Variants in ZNF106 observed in about 807,000 individuals in gnomAD.
ZNF106 encodes the protein zinc finger protein 106, also known as SH3-domain binding protein 3.
In ZNF106, 67 loss-of-function variants were observed where a neutral mutation model predicts 195.1. The observed-to-expected ratio is 0.34, with a 90% CI of 0.28 to 0.42. The LOEUF (loss-of-function observed/expected upper bound fraction) is 0.42, where lower values mean the gene tolerates loss of function less well. Ranked by LOEUF, ZNF106 falls within the 10% of genes least tolerant of loss-of-function variation. The pLI is 1.00. For missense variants in ZNF106, 2,118 were observed against 2,304.5 expected (o/e 0.92, Z 1.66); for synonymous variants, 784 against 818.6 (o/e 0.96, Z 0.72).
chr15:42,450,064 G>A lies in ZNF106; in HGVS notation c.2208C>T (p.Gly736=). The A allele has an allele frequency of 6.2e-7, 1 of 1,614,200 alleles. No individual in the cohort carries two copies. Among genetic ancestry groups the A allele is most frequent in the South Asian group, 1.1e-5 (1 of 91,082 alleles). The part of the protein sequence containing the change: ...LQKSDISQPS[G]PLLPELSKLG... ...GCTTACTTAGTTCAGGCAGGAGAGG[G>A]CCCGAGGGCTGACTGATGTCACTTT... The change falls in exon 5 of 22, where the codon GGC becomes GGT. Residue 736 remains glycine, a synonymous_variant. Transcript: ENST00000564754.
chr15:42,471,386 G>A (rs774026259), intron 2 of ZNF106, among the ~76,000 whole-genome samples: 1 of 152,072 alleles, frequency 6.6e-6, no homozygotes, highest in Non-Finnish European at 1.5e-5. Context: ...AAATGATAAA[G>A]GCAGGTAAAG....
intron 14 of ZNF106, 101 bp from the exon 15 acceptor site, chr15:42,428,235 G>T: frequency 2.3e-6 from 2 of 880,940 alleles, no homozygotes; most frequent in Admixed American, 2.3e-5. Flanking sequence ...CTCTTATGCG[G>T]AAGAAAGTGT....
At chr15:42,457,341 T>C in intron 3 of ZNF106, 183 bp from the exon 4 acceptor site, 2 of 1,450,772 alleles carry the variant, frequency 1.4e-6, no homozygotes, top group Non-Finnish European at 1.8e-6. Flanking sequence ...ACTTTTGAAA[T>C]GATTTTAAGA....
At chr15:42,473,049 G>C (rs1468521205) in intron 1 of ZNF106, among the ~76,000 whole-genome samples, 1 of 151,456 alleles carries the variant, frequency 6.6e-6, no homozygotes, top group Non-Finnish European at 1.5e-5. Context: ...ACATATACAG[G>C]TTGAAAATTC....
In ZNF106 at chr15:42,424,871, G is replaced by T. The variant is rs754351939; in HGVS notation, c.5153C>A (p.Thr1718Asn). Reference protein sequence around the residue: ...RDARNGLLLRTLEGHSKTILC... With the variant: ...RDARNGLLLRNLEGHSKTILC... ...AATGGTTTTGCTATGGCCCTCCAGA[G>T]TTCTGAGGAGCAGTCCATTCCGGGC... Residue 1718 changes from threonine to asparagine, a missense_variant, in exon 16 of 22, where the codon ACT becomes AAT. Physicochemically the swap from Thr to Asn is moderately conservative, Grantham distance 65. Transcript: ENST00000564754. 9.9e-6 allele frequency: 16 copies of T among 1,614,014 alleles called. No individual in the cohort carries two copies. The highest frequency in any genetic ancestry group is 1.4e-5 in the Non-Finnish European group (16 of 1,180,036).
At chr15:42,480,351 T>C (rs751203313) in intron 1 of ZNF106, among the ~76,000 whole-genome samples, 4 of 152,208 alleles carry the variant, frequency 2.6e-5, no homozygotes, top group Non-Finnish European at 5.9e-5. Context: ...CTATTTTATC[T>C]GATATAAATA....
chr15:42,446,729 C>T (rs976121930), intron 6 of ZNF106, 71 bp from the exon 7 acceptor site: 1 of 1,306,272 alleles, frequency 7.7e-7, no homozygotes, highest in Non-Finnish European at 1.1e-6. Context: ...AAAAAGGAAT[C>T]AATTCTAAGA....
chr15:42,443,490 TA>T (rs2055633172), intron 9 of ZNF106, among the ~76,000 whole-genome samples: 2 of 152,016 alleles, frequency 1.3e-5, no homozygotes, highest in Admixed American at 1.3e-4. Flanking sequence ...TTAATTTTTA[TA>T]ACTTTTTATA....
intron 20 of ZNF106, among the ~76,000 whole-genome samples, chr15:42,418,558 T>TTTTTTC (rs1256860572): frequency 1.3e-4 from 18 of 141,260 alleles, no homozygotes; most frequent in Admixed American, 9.1e-4. Flanking sequence ...TTTTTTTTTT[T>TTTTTTC]AGTAAAGACA....
intron 9 of ZNF106, among the ~76,000 whole-genome samples, chr15:42,443,905 G>C (rs1203125608): frequency 6.6e-6 from 1 of 151,840 alleles, no homozygotes; most frequent in African/African-American, 2.4e-5. Flanking sequence ...TCAGGAGTTC[G>C]AGACCAGTCT....
intron 20 of ZNF106, among the ~76,000 whole-genome samples, chr15:42,419,700 C>T (rs1358384240): frequency 6.6e-6 from 1 of 152,164 alleles, no homozygotes; most frequent in Non-Finnish European, 1.5e-5. Flanking sequence ...GCCTGTCATC[C>T]CAGCACTTTG....
chr15:42,440,225 T>G (rs1265220191), intron 10 of ZNF106, among the ~76,000 whole-genome samples: 1 of 152,210 alleles, frequency 6.6e-6, no homozygotes, highest in African/African-American at 2.4e-5. Context: ...GCTTAGTAGT[T>G]AAAAAAATTT....
chr15:42,433,754 A>T (rs1433029630), intron 14 of ZNF106, among the ~76,000 whole-genome samples: 1 of 152,126 alleles, frequency 6.6e-6, no homozygotes, highest in South Asian at 2.1e-4. Context: ...TAATTACTCT[A>T]GGGCAGTATT....
rs762361078 is a variant in ZNF106 at position 42,450,314 on chromosome 15, C to A, written c.1958G>T (p.Arg653Leu). The change falls in exon 5 of 22, where the codon CGC (arginine) becomes CTC (leucine). Residue 653 changes from arginine to leucine, a missense_variant. Transcript: ENST00000564754. ...RTADEKEEDD[R>L]ILKTSRELST... ...TAGCTCTCTAGAAGTCTTCAGGATG[C>A]GGTCATCCTCCTCTTTCTCATCAGC... 6.2e-7 allele frequency: 1 copy of A among 1,614,116 alleles called. No individual in the cohort carries two copies. Among genetic ancestry groups the A allele is most frequent in the Admixed American group, 1.7e-5 (1 of 59,994 alleles).
At chr15:42,441,364 T>TATA (rs1203221451) in intron 10 of ZNF106, among the ~76,000 whole-genome samples, 1 of 151,644 alleles carries the variant, frequency 6.6e-6, no homozygotes, top group Non-Finnish European at 1.5e-5. Context: ...AAGCTATATA[T>TATA]TTGATACTAA....
At chr15:42,445,691 A>G (rs1648247340) in intron 7 of ZNF106, among the ~76,000 whole-genome samples, 1 of 152,154 alleles carries the variant, frequency 6.6e-6, no homozygotes, top group African/African-American at 2.4e-5. Flanking sequence ...TGCTCCTCTC[A>G]TGGAGTTTTC....
rs1238702407 is a variant in ZNF106 at position 42,451,070 on chromosome 15, G to A, written c.1202C>T (p.Pro401Leu). 3.1e-6 allele frequency: 5 copies of A among 1,614,162 alleles called. No homozygotes were observed. Among genetic ancestry groups the A allele is most frequent in the Admixed American group, 1.7e-5 (1 of 60,018 alleles). Residue 401 changes from proline to leucine, a missense_variant, in exon 5 of 22, where the codon CCT becomes CTT. Physicochemically the swap from Pro to Leu is moderately conservative, Grantham distance 98 (BLOSUM62 -3). Coordinates refer to ENST00000564754, the MANE Select transcript of ZNF106 (RefSeq NM_001366845.3). ...AGTTATCAAGCTAAAATCAAAGAGAGGTTTCTCTATCATTTCTGACTTGTT... is the reference window on the plus strand; with the variant it reads ...AGTTATCAAGCTAAAATCAAAGAGAAGTTTCTCTATCATTTCTGACTTGTT... ...TGNKSEMIEK[P>L]LFDFSLITTG...
At chr15:42,481,605 C>T (rs930948891) in intron 1 of ZNF106, among the ~76,000 whole-genome samples, 4 of 152,056 alleles carry the variant, frequency 2.6e-5, no homozygotes, top group African/African-American at 7.2e-5. Context: ...GGTCATCACC[C>T]GCATCAACCT....
intron 2 of ZNF106, among the ~76,000 whole-genome samples, chr15:42,467,299 T>C (rs1457466005): frequency 1.3e-5 from 2 of 152,212 alleles, no homozygotes; most frequent in Non-Finnish European, 2.9e-5. Flanking sequence ...ACTACACTTG[T>C]TGTGTTATTG....
Sources: gnomAD v4.1 joint callset for allele counts (sites outside exome capture counted in the v4.1 genomes callset) on GRCh38, gnomAD v4.1.1 for gene constraint, MANE v1.5 for transcripts, NCBI Gene and HGNC (gene_info 2026-07-23, HGNC 2026-07-21) for gene names.